The following MTG1 variants were observed in gnomAD, a reference collection of about 807,000 sequenced individuals.
MTG1 encodes mitochondrial ribosome associated GTPase 1, also known as mitochondrial ribosome-associated GTPase 1.
In MTG1, 30 loss-of-function variants were observed where a neutral mutation model predicts 39.5. That is an observed-to-expected ratio of 0.76 (90% CI 0.57 to 1.03). MTG1 has a LOEUF of 1.03. Ranked by LOEUF, MTG1 falls within the 50% of genes least tolerant of loss-of-function variation. The pLI is 0.00. For missense variants in MTG1, 513 were observed against 447.4 expected, an observed-to-expected ratio of 1.15 and a Z score of -1.32; for synonymous variants, 217 against 179.0, an observed-to-expected ratio of 1.21 and a Z score of -1.69.
intron 1 of MTG1, chr10:133,394,696 T>G: frequency 9.3e-7 from 1 of 1,078,136 alleles, no homozygotes; most frequent in Non-Finnish European, 1.1e-6. Context: ...AGATAGACTT[T>G]TCTGAGTCTT....
In MTG1 at chr10:133,394,202, T is replaced by C. The variant is rs766854026; in HGVS notation, c.-19T>C. The C allele has an allele frequency of 4.6e-6, 7 of 1,505,816 alleles. No homozygotes were observed. The highest frequency in any genetic ancestry group is 5.5e-5 in the East Asian group (2 of 36,636). The allele number at this position is 1,505,816 out of a possible 1,614,324, so 93.3% of individuals were successfully genotyped here. ...CAGAGGAGGTCAGCTGCGGGAGCGTTTCCGGGGACGGTGCCGCCATGAGAT... is the reference window on the plus strand; with the variant it reads ...CAGAGGAGGTCAGCTGCGGGAGCGTCTCCGGGGACGGTGCCGCCATGAGAT... On this transcript the variant is annotated 5_prime_UTR_variant, in exon 1 of 11. Transcript: ENST00000317502.
chr10:133,416,241 T>C (rs1850130085), intron 9 of MTG1, among the ~76,000 whole-genome samples: 1 of 152,062 alleles, frequency 6.6e-6, no homozygotes, highest in African/African-American at 2.4e-5. Context: ...TTAAAAAATA[T>C]CTTTCGTGTT....
At chr10:133,401,677 G>A in intron 7 of MTG1, 87 bp downstream of exon 7, 1 of 1,278,152 alleles carries the variant, frequency 7.8e-7, no homozygotes, top group Non-Finnish European at 1.1e-6. Flanking sequence ...GCTTCCGGCT[G>A]CTGACCACGC....
intron 9 of MTG1, among the ~76,000 whole-genome samples, chr10:133,409,460 T>G (rs897167081): frequency 6.6e-6 from 1 of 152,246 alleles, no homozygotes; most frequent in African/African-American, 2.4e-5. Flanking sequence ...TGGTATATTC[T>G]GTAGAATGTT....
intron 2 of MTG1, 108 bp downstream of exon 2, chr10:133,395,885 C>T (rs1190283558): frequency 5.2e-6 from 6 of 1,148,364 alleles, no homozygotes; most frequent in Non-Finnish European, 7.6e-6. Context: ...CCTTTCTAGA[C>T]CAGTTAATCA....
intron 9 of MTG1, among the ~76,000 whole-genome samples, chr10:133,414,169 T>C (rs371969125): frequency 1.7e-4 from 25 of 150,926 alleles, no homozygotes; most frequent in African/African-American, 4.9e-4. Flanking sequence ...CATCTTGCAC[T>C]GCCCTTAATC....
chr10:133,399,686 A>C (rs909703623), intron 6 of MTG1, 67 bp downstream of exon 6: 3 of 1,528,950 alleles, frequency 2.0e-6, no homozygotes, highest in Admixed American at 3.4e-5. Flanking sequence ...TGCTGATGCC[A>C]CCATCTTTCT....
chr10:133,414,269 ATT>A (rs1321644110), intron 9 of MTG1, among the ~76,000 whole-genome samples: 2 of 150,774 alleles, frequency 1.3e-5, no homozygotes, highest in Non-Finnish European at 2.9e-5. Context: ...AGGCAGAAGA[ATT>A]TTTCTTAGTA....
rs1849892045 is a variant in MTG1, at chr10:133,402,256, GC to G, written c.670+12del. ...AGCTGGCCCTGTGTGGTGAGCCGGG[GC>G]TGGGGCTGGGGCTGGGGCTGGGACC... On this transcript the variant is annotated intron_variant, in intron 8 of 10. Transcript: ENST00000317502. This position sits in a 1 kb window ranked among gnomAD's most constrained non-coding sequence, Gnocchi z 4.7. 1 of 839,276 alleles carries G rather than the reference GC, an allele frequency of 1.2e-6. No individual in the cohort carries two copies. The highest frequency in any genetic ancestry group is 1.5e-6 in the Non-Finnish European group (1 of 666,606). 52.0% of individuals were successfully genotyped at this position (839,276 alleles called of 1,614,324 possible).
chr10:133,417,116 T>G (rs1850144126), intron 9 of MTG1, among the ~76,000 whole-genome samples: 1 of 152,104 alleles, frequency 6.6e-6, no homozygotes. Context: ...TGAGATGGTA[T>G]CTCATTGTGG....
chr10:133,399,113 G>A (rs559203274), intron 4 of MTG1, 57 bp from the exon 5 acceptor site: 128 of 1,585,668 alleles, frequency 8.1e-5, no homozygotes, highest in East Asian at 4.5e-4. Context: ...CAGAAGGAGC[G>A]GGTCAGTGCA....
chr10:133,401,819 TGAG>T (rs1849882748), intron 7 of MTG1: 7 of 682,990 alleles, frequency 1.0e-5, no homozygotes, highest in African/African-American at 7.0e-5. Flanking sequence ...CATTTCCAGA[TGAG>T]GAGGCCACTG....
Position 133,420,187 on chromosome 10 carries a change from C to A in MTG1, c.*22C>A. On this transcript the variant is annotated 3_prime_UTR_variant, in exon 11 of 11. Transcript: ENST00000317502. The stretch of plus-strand genomic sequence containing the variant: ...CTGAACTTGTCCGGGTAGGGAGGGC[C>A]GGAGGCATGTGGCCTCCCAGACCTC... 2 of 1,590,480 alleles carry A rather than the reference C, an allele frequency of 1.3e-6. No homozygotes were observed. The highest frequency in any genetic ancestry group is 1.7e-6 in the Non-Finnish European group (2 of 1,168,310).
In MTG1 at chr10:133,402,397, G is replaced by A; in HGVS notation, c.670+152G>A. The A allele has an allele frequency of 1.1e-6, 1 of 872,280 alleles. No individual in the cohort carries two copies. The highest frequency in any genetic ancestry group is 1.8e-6 in the Non-Finnish European group (1 of 551,990). The allele number at this position is 872,280 out of a possible 1,614,324, so 54.0% of individuals were successfully genotyped here. A position where few individuals can be genotyped will look rare whatever the true frequency, so the allele number is the denominator to read the frequency against. On this transcript the variant is annotated intron_variant, in intron 8 of 10. Coordinates refer to ENST00000317502, the MANE Select transcript of MTG1 (RefSeq NM_138384.4). This position sits in a 1 kb window ranked among gnomAD's most constrained non-coding sequence, Gnocchi z 4.7. ...ACCTTCCTCGAAGCTTAGTGTGAGA[G>A]CTGTAATAGTGCACAGCTGACAGGC...
intron 3 of MTG1, among the ~76,000 whole-genome samples, chr10:133,396,519 G>C (rs1849785475): frequency 2.0e-5 from 3 of 152,222 alleles, no homozygotes; most frequent in African/African-American, 4.8e-5. Context: ...AGGTTGTGCT[G>C]CCAGAGCCCG....
chr10:133,410,356 C>G (rs1225854774), intron 9 of MTG1, among the ~76,000 whole-genome samples: 2 of 152,244 alleles, frequency 1.3e-5, no homozygotes, highest in East Asian at 3.9e-4. Flanking sequence ...TGTGCCTGGC[C>G]TACTCTATGT....
At chr10:133,399,375 A>G in intron 5 of MTG1, 149 bp downstream of exon 5, 1 of 1,203,204 alleles carries the variant, frequency 8.3e-7, no homozygotes, top group Non-Finnish European at 1.2e-6. Context: ...GAAAGGGCCG[A>G]GGCCGTCCCC....
At chr10:133,406,438 C>G (rs761462335) in intron 9 of MTG1, among the ~76,000 whole-genome samples, 1 of 151,936 alleles carries the variant, frequency 6.6e-6, no homozygotes, top group Middle Eastern at 3.2e-3. Flanking sequence ...ATTATAGGCA[C>G]GTACCACCAT....
intron 6 of MTG1, 163 bp from the exon 7 acceptor site, chr10:133,401,366 A>G (rs1345162429): frequency 7.2e-6 from 4 of 555,760 alleles, no homozygotes; most frequent in African/African-American, 3.9e-5. Context: ...TTTTGGCCAG[A>G]TATGTTTGTT....
Sources: allele counts gnomAD v4.1 joint callset (sites outside exome capture counted in the v4.1 genomes callset), GRCh38; gene constraint gnomAD v4.1.1; non-coding constraint Gnocchi (gnomAD v3.1); transcripts MANE v1.5; gene names NCBI Gene and HGNC (gene_info 2026-07-23, HGNC 2026-07-21).